Variants in RIMS2 observed in about 807,000 individuals in gnomAD.
The protein encoded by RIMS2 is regulating synaptic membrane exocytosis protein 2.
Under a neutral mutation model 174.4 loss-of-function variants are expected in RIMS2, and 59 were observed. That is an observed-to-expected ratio of 0.34 (90% CI 0.27 to 0.42). The LOEUF is 0.42. Among genes scored for constraint, RIMS2 ranks in the 10% least tolerant of loss-of-function variants. RIMS2 has a pLI of 1.00. For synonymous variants in RIMS2, 606 were observed against 572.5 expected (o/e 1.06, Z -0.84); for missense variants, 1,620 against 1,666.3 (o/e 0.97, Z 0.48).
intron 19 of RIMS2, among the ~76,000 whole-genome samples, chr8:104,045,023 T>C (rs982541058): frequency 1.3e-5 from 2 of 151,824 alleles, no homozygotes; most frequent in Non-Finnish European, 3.0e-5. Flanking sequence ...AGTTAAGGCT[T>C]TTCAAAAACT....
At chr8:103,554,574 G>A (rs1044331493) in intron 1 of RIMS2, among the ~76,000 whole-genome samples, 2 of 152,156 alleles carry the variant, frequency 1.3e-5, no homozygotes, top group African/African-American at 4.8e-5. Flanking sequence ...GAACACTTAT[G>A]CACTGTTGCT....
chr8:104,116,321 G>A (rs1028098326), intron 19 of RIMS2, among the ~76,000 whole-genome samples: 3 of 152,032 alleles, frequency 2.0e-5, no homozygotes, highest in Non-Finnish European at 4.4e-5. Context: ...TATTTCACAG[G>A]TATGAAAAGA....
At chr8:104,073,658 A>G (rs539887479) in intron 19 of RIMS2, among the ~76,000 whole-genome samples, 4 of 152,316 alleles carry the variant, frequency 2.6e-5, no homozygotes, top group South Asian at 2.1e-4. Flanking sequence ...TATTTAACCC[A>G]TAATATAATA....
At chr8:103,864,413 T>C (rs13275964) in intron 3 of RIMS2, among the ~76,000 whole-genome samples, 19,879 of 152,182 alleles carry the variant, frequency 0.13, 1,760 homozygotes, top group Non-Finnish European at 0.2. Context: ...ATTTCTGTGT[T>C]AATTTTATTG....
intron 1 of RIMS2, among the ~76,000 whole-genome samples, chr8:103,530,712 A>G (rs372495007): frequency 3.9e-5 from 6 of 152,146 alleles, no homozygotes; most frequent in African/African-American, 1.2e-4. Flanking sequence ...TAATAAATGT[A>G]TAATACCTCT....
chr8:104,042,373 T>C (rs1318747413), intron 19 of RIMS2, among the ~76,000 whole-genome samples: 1 of 151,610 alleles, frequency 6.6e-6, no homozygotes, highest in Admixed American at 6.6e-5. Flanking sequence ...AGCAACAGAA[T>C]AGGTCAGATG....
At chr8:103,677,374 A>G (rs562670604) in intron 1 of RIMS2, among the ~76,000 whole-genome samples, 3 of 152,258 alleles carry the variant, frequency 2.0e-5, no homozygotes, top group Admixed American at 1.3e-4. Flanking sequence ...CTAGTCAGAC[A>G]CCTTAGGCCT....
chr8:103,901,711 A>T (rs1006197774), intron 4 of RIMS2, among the ~76,000 whole-genome samples: 2 of 152,172 alleles, frequency 1.3e-5, no homozygotes, highest in African/African-American at 4.8e-5. Context: ...AAAGAAGAAT[A>T]TGTTGGTAAT....
chr8:103,521,809 G>A (rs1831816325), intron 1 of RIMS2, among the ~76,000 whole-genome samples: 1 of 150,554 alleles, frequency 6.6e-6, no homozygotes, highest in Non-Finnish European at 1.5e-5. Flanking sequence ...CCCAAGAGTG[G>A]ATAATTCAAA....
At position 104,173,789 on chromosome 8, in the gene RIMS2, T is replaced by C. The variant is rs538950168; in HGVS notation, c.3335-71127T>C. The stretch of plus-strand genomic sequence containing the variant: ...GACTACAGGCACCCGCCACCATGCC[T>C]GGCTAATTTTTTGTATTTTTAGTAG... On this transcript the variant is annotated intron_variant, in intron 19 of 23. Transcript: ENST00000504942. Among the ~76,000 whole-genome samples, 368 of 150,790 alleles carry C rather than the reference T, an allele frequency of 2.4e-3. 1 individual carries two copies. Among genetic ancestry groups the C allele is most frequent in the African/African-American group, 8.2e-3 (339 of 41,238 alleles).
intron 19 of RIMS2, 96 bp downstream of exon 22, chr8:104,041,454 C>T: frequency 1.7e-6 from 1 of 577,050 alleles, no homozygotes; most frequent in South Asian, 2.2e-5. Context: ...GTTTTTCATT[C>T]CTTTGTAATA....
At chr8:104,140,094 G>A (rs143737735) in intron 19 of RIMS2, among the ~76,000 whole-genome samples, 20 of 152,100 alleles carry the variant, frequency 1.3e-4, no homozygotes, top group Admixed American at 2.6e-4. Context: ...AACCATCTTC[G>A]CATCGCTAGG....
intron 1 of RIMS2, among the ~76,000 whole-genome samples, chr8:103,600,715 G>C (rs567521786): frequency 1.3e-5 from 2 of 152,332 alleles, no homozygotes; most frequent in African/African-American, 4.8e-5. Flanking sequence ...GTAACCATCA[G>C]TGGGAGTGCT....
chr8:103,563,578 T>A (rs2091930914), intron 1 of RIMS2, among the ~76,000 whole-genome samples: 1 of 152,130 alleles, frequency 6.6e-6, no homozygotes, highest in Non-Finnish European at 1.5e-5. Flanking sequence ...TTTCCCATAT[T>A]TTTCTTTCTT....
At chr8:103,881,682 G>A (rs1454239661) in intron 3 of RIMS2, among the ~76,000 whole-genome samples, 1 of 151,504 alleles carries the variant, frequency 6.6e-6, no homozygotes, top group Non-Finnish European at 1.5e-5. Flanking sequence ...TTTAGAAATA[G>A]ATTGAATAGT....
chr8:104,106,037 C>CAAAAAAAAAAAAAAAAAAA (rs575916023), intron 19 of RIMS2, among the ~76,000 whole-genome samples: 17 of 56,912 alleles, frequency 3.0e-4, no homozygotes, highest in Admixed American at 7.1e-4. Flanking sequence ...GACTCTGCCA[C>CAAAAAAAAAAAAAAAAAAA]AAAAAAAAAA....
intron 17 of RIMS2, among the ~76,000 whole-genome samples, chr8:104,008,116 CT>C (rs1246930040): frequency 6.6e-6 from 1 of 151,998 alleles, no homozygotes; most frequent in Non-Finnish European, 1.5e-5. Flanking sequence ...TAGAGATATA[CT>C]TTTAAAAATG....
intron 19 of RIMS2, among the ~76,000 whole-genome samples, chr8:104,189,582 T>TTA (rs34057466): frequency 0.3 from 43,519 of 145,024 alleles, 6,874 homozygotes; most frequent in South Asian, 0.46. Context: ...AATATATACA[T>TTA]TATATATATA....
chr8:104,077,734 T>C (rs570485314), intron 19 of RIMS2, among the ~76,000 whole-genome samples: 15 of 146,618 alleles, frequency 1.0e-4, no homozygotes, highest in Non-Finnish European at 2.3e-4. Context: ...AACACAGATG[T>C]ATAAATTATG....
Sources: allele counts gnomAD v4.1 joint callset (sites outside exome capture counted in the v4.1 genomes callset), GRCh38; gene constraint gnomAD v4.1.1; transcripts MANE v1.5; gene names NCBI Gene and HGNC (gene_info 2026-07-23, HGNC 2026-07-21).